MROH9: variants seen among roughly 807,000 people sequenced by gnomAD.
The protein encoded by MROH9 is maestro heat-like repeat-containing protein family member 9.
Under a neutral mutation model 98.2 loss-of-function variants are expected in MROH9, and 92 were observed. The ratio of observed to expected loss-of-function variants is 0.94; its 90% CI spans 0.79 to 1.11. The LOEUF (loss-of-function observed/expected upper bound fraction) is 1.11. MROH9 is among the 50% of genes most tolerant of loss of function. MROH9 has a pLI of 0.00. For synonymous variants in MROH9, 397 were observed against 368.9 expected, an observed-to-expected ratio of 1.08 and a Z score of -0.87; for missense variants, 1,057 against 1,014.8, an observed-to-expected ratio of 1.04 and a Z score of -0.57.
intron 17 of MROH9, among the ~76,000 whole-genome samples, chr1:171,017,615 G>A (rs1459564889): frequency 6.6e-6 from 1 of 152,160 alleles, no homozygotes; most frequent in Non-Finnish European, 1.5e-5. Context: ...GGTGGCAGCT[G>A]GCACTCAGAC....
chr1:170,940,997 G>A (rs1008130005), intron 1 of MROH9, among the ~76,000 whole-genome samples: 4 of 152,098 alleles, frequency 2.6e-5, no homozygotes, highest in Non-Finnish European at 5.9e-5. Flanking sequence ...AATAACATCA[G>A]TTATAACAAA....
At chr1:171,037,923 C>T (rs539093402) in intron 20 of MROH9, among the ~76,000 whole-genome samples, 17 of 151,712 alleles carry the variant, frequency 1.1e-4, no homozygotes, top group South Asian at 2.1e-4. Flanking sequence ...ATTTCTTACA[C>T]GAAACAAAAT....
intron 20 of MROH9, among the ~76,000 whole-genome samples, chr1:171,026,584 T>G (rs1275067411): frequency 6.6e-6 from 1 of 152,212 alleles, no homozygotes; most frequent in Non-Finnish European, 1.5e-5. Flanking sequence ...ATAGTAACTT[T>G]ATTTCAGACC....
intron 7 of MROH9, among the ~76,000 whole-genome samples, chr1:170,966,727 C>T (rs900751695): frequency 4.6e-5 from 7 of 152,176 alleles, no homozygotes; most frequent in South Asian, 2.1e-4. Context: ...AGAGAGTGAG[C>T]GGCTTATTTC....
chr1:170,970,483 C>T (rs970821889), intron 7 of MROH9, among the ~76,000 whole-genome samples: 4 of 152,024 alleles, frequency 2.6e-5, no homozygotes, highest in Non-Finnish European at 4.4e-5. Flanking sequence ...GCTGTCTGCT[C>T]CCAGATTCTC....
chr1:170,946,284 G>GAA (rs1005306735), intron 2 of MROH9, among the ~76,000 whole-genome samples: 1 of 151,332 alleles, frequency 6.6e-6, no homozygotes, highest in Non-Finnish European at 1.5e-5. Context: ...CTAATTATAT[G>GAA]AAAAAAAATC....
chr1:170,966,906 T>G (rs1650254953), intron 7 of MROH9, among the ~76,000 whole-genome samples: 1 of 152,142 alleles, frequency 6.6e-6, no homozygotes, highest in African/African-American at 2.4e-5. Flanking sequence ...TCCTAAAATG[T>G]GTTATATATT....
chr1:171,039,334 CATA>C (rs1361557533), intron 20 of MROH9, among the ~76,000 whole-genome samples: 1 of 152,078 alleles, frequency 6.6e-6, no homozygotes, highest in African/African-American at 2.4e-5. Context: ...GTTTAAACAA[CATA>C]ATAATTTATT....
rs1649936107 is a variant in MROH9 at position 170,959,608 on chromosome 1, T to C, written c.288+11T>C. The C allele has an allele frequency of 1.2e-6, 2 of 1,610,248 alleles. No individual in the cohort carries two copies. Among genetic ancestry groups the C allele is most frequent in the African/African-American group, 1.3e-5 (1 of 74,766 alleles). On this transcript the variant is annotated intron_variant, in intron 5 of 21. Transcript: ENST00000367759. ...ATTGAGGACATGGAGGTAAAATTTTTCTTCCTTTAATCATTATAGGATGTT... is the reference window on the plus strand; with the variant it reads ...ATTGAGGACATGGAGGTAAAATTTTCCTTCCTTTAATCATTATAGGATGTT...
intron 6 of MROH9, among the ~76,000 whole-genome samples, chr1:170,964,307 T>C (rs1035294612): frequency 6.6e-6 from 1 of 151,972 alleles, no homozygotes; most frequent in Non-Finnish European, 1.5e-5. Flanking sequence ...AAAGCTTCCC[T>C]GCTTCTCAAA....
intron 20 of MROH9, among the ~76,000 whole-genome samples, chr1:171,028,759 A>G (rs1204343282): frequency 6.6e-6 from 1 of 152,076 alleles, no homozygotes; most frequent in Non-Finnish European, 1.5e-5. Context: ...TGTTAGCTGT[A>G]TTCCTAGATT....
At chr1:171,035,240 G>C (rs770860148) in intron 20 of MROH9, among the ~76,000 whole-genome samples, 6 of 150,562 alleles carry the variant, frequency 4.0e-5, no homozygotes, top group Non-Finnish European at 3.0e-5. Context: ...CTTAGAAAAA[G>C]ACAAAAAATC....
At chr1:170,979,718 G>T (rs1041852763) in intron 8 of MROH9, among the ~76,000 whole-genome samples, 8 of 152,098 alleles carry the variant, frequency 5.3e-5, no homozygotes, top group Admixed American at 5.2e-4. Flanking sequence ...GAAAATATTT[G>T]CAAACTACAT....
chr1:170,959,487 G>A lies in MROH9; in HGVS notation c.178G>A (p.Glu60Lys). 6.2e-7 allele frequency: 1 copy of A among 1,610,930 alleles called. No individual in the cohort carries two copies. Among genetic ancestry groups the A allele is most frequent in the Non-Finnish European group, 8.5e-7 (1 of 1,178,606 alleles). The change falls in exon 5 of 22, where the codon GAA becomes AAA. Residue 60 changes from glutamate (E) to lysine (K), a missense_variant. Physicochemically the swap from Glu to Lys is moderately conservative, Grantham distance 56 (BLOSUM62 1). Coordinates refer to ENST00000367759, the MANE Select transcript of MROH9 (RefSeq NM_001163629.2). ...SSFVDPLLQF[E>K]SQLKIIESSF... is the part of the protein sequence containing the mutation. ...CTTTGTGGATCCCTTACTGCAGTTTGAATCTCAGTTGAAGATAATAGAGTC... is the reference window on the plus strand; with the variant it reads ...CTTTGTGGATCCCTTACTGCAGTTTAAATCTCAGTTGAAGATAATAGAGTC...
At chr1:170,936,233 TG>T (rs1648877308) in intron 1 of MROH9, among the ~76,000 whole-genome samples, 1 of 152,174 alleles carries the variant, frequency 6.6e-6, no homozygotes, top group Non-Finnish European at 1.5e-5. Context: ...TCCTGGATTC[TG>T]CTTTCTGCAA....
At chr1:171,053,173 C>G (rs1193849275) in intron 20 of MROH9, among the ~76,000 whole-genome samples, 2 of 152,194 alleles carry the variant, frequency 1.3e-5, no homozygotes, top group African/African-American at 4.8e-5. Context: ...CTCCACATTC[C>G]CTGCTTGCTG....
At chr1:171,049,794 C>T (rs543755483) in intron 20 of MROH9, among the ~76,000 whole-genome samples, 2 of 152,174 alleles carry the variant, frequency 1.3e-5, no homozygotes, top group South Asian at 2.1e-4. Flanking sequence ...GGTCTTCTCA[C>T]CTCAGCCCCC....
intron 4 of MROH9, 53 bp downstream of exon 4, chr1:170,958,593 G>A (rs1161064737): frequency 8.3e-7 from 1 of 1,199,392 alleles, no homozygotes. Flanking sequence ...CATTTAAAAT[G>A]TTATATCTTT....
chr1:170,950,382 T>C lies in MROH9; in HGVS notation c.72+2809T>C, dbSNP rs146691860. ...AGTCCATAAAGGAGACAGCCATCTATCAGGGAAAGACAGGGCAAGGGAGTT... is the reference window on the plus strand; with the variant it reads ...AGTCCATAAAGGAGACAGCCATCTACCAGGGAAAGACAGGGCAAGGGAGTT... On this transcript the variant is annotated intron_variant, in intron 3 of 21. Coordinates refer to ENST00000367759, the MANE Select transcript of MROH9 (RefSeq NM_001163629.2). Among the ~76,000 whole-genome samples the C allele has an allele frequency of 6.4e-3, 981 of 152,250 alleles. 6 individuals carry two copies. The highest frequency in any genetic ancestry group is 0.012 in the Non-Finnish European group (783 of 67,998).
Sources: allele counts gnomAD v4.1 joint callset (sites outside exome capture counted in the v4.1 genomes callset), GRCh38; gene constraint gnomAD v4.1.1; transcripts MANE v1.5; gene names NCBI Gene and HGNC (gene_info 2026-07-23, HGNC 2026-07-21).